The following SLC24A2 variants were observed in gnomAD, a reference collection of about 807,000 sequenced individuals.
SLC24A2 encodes solute carrier family 24 member 2.
Under a neutral mutation model 62.0 loss-of-function variants are expected in SLC24A2, and 36 were observed. The ratio of observed to expected loss-of-function variants is 0.58; its 90% CI spans 0.44 to 0.77. The LOEUF is 0.77. SLC24A2 is among the 30% of genes least tolerant of loss of function. The probability of loss-of-function intolerance (pLI) is 0.00; values close to 1 mark genes in which losing one functional copy is unlikely to be tolerated. For missense variants in SLC24A2, 846 were observed against 817.9 expected (o/e 1.03, Z -0.42); for synonymous variants, 358 against 294.0 (o/e 1.22, Z -2.23).
chr9:20,261,453 G>C, the SLC24A2 span, among the ~76,000 whole-genome samples: 1 of 152,012 alleles, frequency 6.6e-6, no homozygotes, highest in South Asian at 2.1e-4. Context: ...GGTCAGACTT[G>C]CTTTATAACA....
intron 2 of SLC24A2, among the ~76,000 whole-genome samples, chr9:19,634,529 C>T (rs796691978): frequency 4.6e-5 from 7 of 152,202 alleles, no homozygotes; most frequent in African/African-American, 1.4e-4. Context: ...CTCAGGTGAT[C>T]CGCCCACCTC....
intron 2 of SLC24A2, among the ~76,000 whole-genome samples, chr9:19,640,256 A>T (rs1009540290): frequency 6.6e-6 from 1 of 152,182 alleles, no homozygotes; most frequent in Non-Finnish European, 1.5e-5. Flanking sequence ...TTATTAAACC[A>T]TGTGCCTTGC....
At chr9:20,239,844 G>C in the SLC24A2 span, among the ~76,000 whole-genome samples, 1 of 150,734 alleles carries the variant, frequency 6.6e-6, no homozygotes, top group South Asian at 2.1e-4. Context: ...AAGAGATATG[G>C]TATGAAAATG....
chr9:19,754,301 C>A (rs148175513), intron 2 of SLC24A2, among the ~76,000 whole-genome samples: 1 of 152,182 alleles, frequency 6.6e-6, no homozygotes, highest in African/African-American at 2.4e-5. Flanking sequence ...ACCCGTCTAT[C>A]CTCCTTCCCC....
chr9:20,026,745 G>C, the SLC24A2 span, among the ~76,000 whole-genome samples: 1 of 152,106 alleles, frequency 6.6e-6, no homozygotes, highest in Non-Finnish European at 1.5e-5. Flanking sequence ...TAGGGGAAAA[G>C]CTCCGTGACA....
At chr9:19,792,173 C>CT (rs1452290030), upstream of SLC24A2, among the ~76,000 whole-genome samples, 1 of 152,162 alleles carries the variant, frequency 6.6e-6, no homozygotes, top group African/African-American at 2.4e-5. Flanking sequence ...GGAATATCCC[C>CT]TTGCCCCATC....
At chr9:20,055,430 T>C in the SLC24A2 span, among the ~76,000 whole-genome samples, 16 of 152,170 alleles carry the variant, frequency 1.1e-4, no homozygotes, top group Admixed American at 7.2e-4. Flanking sequence ...AAATATTAAG[T>C]AAGTATAATT....
chr9:19,749,935 G>T (rs149096204), intron 2 of SLC24A2, among the ~76,000 whole-genome samples: 6 of 152,188 alleles, frequency 3.9e-5, no homozygotes, highest in African/African-American at 1.4e-4. Flanking sequence ...CTCCCACCTG[G>T]GATCACCCGT....
chr9:19,669,548 C>A (rs1819353886), intron 2 of SLC24A2, among the ~76,000 whole-genome samples: 1 of 152,230 alleles, frequency 6.6e-6, no homozygotes, highest in Admixed American at 6.5e-5. Context: ...ATGGATCTCA[C>A]TGAGCTAAAA....
At chr9:20,038,561 G>A in the SLC24A2 span, among the ~76,000 whole-genome samples, 1 of 146,204 alleles carries the variant, frequency 6.8e-6, no homozygotes, top group African/African-American at 2.5e-5. Context: ...TTTATTTGCA[G>A]TGCTTTCTCT....
the SLC24A2 span, among the ~76,000 whole-genome samples, chr9:19,924,344 T>C: frequency 5.3e-4 from 80 of 152,334 alleles, no homozygotes; most frequent in African/African-American, 1.8e-3. Flanking sequence ...TTCTCTTTGC[T>C]AGAGCTCTAC....
At chr9:19,977,829 C>A in the SLC24A2 span, among the ~76,000 whole-genome samples, 2 of 152,176 alleles carry the variant, frequency 1.3e-5, no homozygotes, top group African/African-American at 2.4e-5. Context: ...AAGGAGAAAT[C>A]TAGGGCAGGT....
At chr9:19,934,641 T>C in the SLC24A2 span, among the ~76,000 whole-genome samples, 2 of 152,186 alleles carry the variant, frequency 1.3e-5, no homozygotes, top group Non-Finnish European at 2.9e-5. This position sits in a 1 kb window ranked among gnomAD's most constrained non-coding sequence, Gnocchi z 4.1. Flanking sequence ...TAAGTGGTAA[T>C]TTCCTTTGGG....
the SLC24A2 span, among the ~76,000 whole-genome samples, chr9:20,129,652 G>A: frequency 0.01 from 1,558 of 152,124 alleles, 9 homozygotes; most frequent in Non-Finnish European, 0.015. Context: ...TTGAAAAGAT[G>A]CTAAGCAAAA....
At chr9:19,838,142 G>A in the SLC24A2 span, among the ~76,000 whole-genome samples, 1 of 152,126 alleles carries the variant, frequency 6.6e-6, no homozygotes, top group Non-Finnish European at 1.5e-5. Flanking sequence ...CAAAGCTGGA[G>A]GCATCACGCT....
At chr9:19,933,578 G>C in the SLC24A2 span, among the ~76,000 whole-genome samples, 2 of 152,072 alleles carry the variant, frequency 1.3e-5, no homozygotes, top group African/African-American at 4.8e-5. Flanking sequence ...CCTTTCAAAA[G>C]ATTCCACAGT....
chr9:20,199,652 G>A, the SLC24A2 span, among the ~76,000 whole-genome samples: 3 of 151,798 alleles, frequency 2.0e-5, no homozygotes, highest in African/African-American at 7.3e-5. Context: ...TTAAAATAAT[G>A]TTTCAAGAGC....
At chr9:20,046,044 CA>C in the SLC24A2 span, among the ~76,000 whole-genome samples, 21 of 152,324 alleles carry the variant, frequency 1.4e-4, no homozygotes, top group Non-Finnish European at 2.9e-4. Flanking sequence ...GCTCTCATAT[CA>C]AAAGTCCCAA....
the SLC24A2 span, among the ~76,000 whole-genome samples, chr9:19,951,679 C>G: frequency 6.6e-6 from 1 of 152,032 alleles, no homozygotes; most frequent in East Asian, 1.9e-4. Flanking sequence ...GAAGTCTATT[C>G]TGTTCCACTG....
Sources: gnomAD v4.1 joint callset for allele counts (sites outside exome capture counted in the v4.1 genomes callset) on GRCh38, gnomAD v4.1.1 for gene constraint, Gnocchi (gnomAD v3.1) non-coding constraint, MANE v1.5 for transcripts, NCBI Gene and HGNC (gene_info 2026-07-23, HGNC 2026-07-21) for gene names.